The following ITCH variants were observed in gnomAD, a reference collection of about 807,000 sequenced individuals.
ITCH encodes E3 ubiquitin-protein ligase Itchy homolog.
ITCH carries 28 observed loss-of-function variants against 126.8 expected under a neutral mutation model. The observed-to-expected ratio is 0.22, with a 90% CI of 0.16 to 0.30. The LOEUF is 0.30. Among genes scored for constraint, ITCH ranks in the 10% least tolerant of loss-of-function variants. The pLI is 1.00. For missense variants in ITCH, 631 were observed against 1,032.4 expected (o/e 0.61, Z 5.33); for synonymous variants, 342 against 340.0 (o/e 1.01, Z -0.06).
chr20:34,396,367 A>G (rs1377863100), intron 3 of ITCH, among the ~76,000 whole-genome samples: 1 of 152,006 alleles, frequency 6.6e-6, no homozygotes, highest in Non-Finnish European at 1.5e-5. Context: ...ACCGTTTTGC[A>G]TTCCCACTAG....
intron 12 of ITCH, chr20:34,450,962 A>G (rs2146327233): frequency 6.6e-6 from 1 of 152,310 alleles, no homozygotes; most frequent in South Asian, 2.1e-4. Flanking sequence ...TATAACTGTT[A>G]CTGTTATTAG....
intron 17 of ITCH, among the ~76,000 whole-genome samples, chr20:34,479,027 T>C (rs927639535): frequency 3.3e-5 from 5 of 152,206 alleles, no homozygotes; most frequent in African/African-American, 1.2e-4. Context: ...CATAATCTTA[T>C]GTTAATATTG....
intron 10 of ITCH, among the ~76,000 whole-genome samples, chr20:34,443,492 C>T (rs1332919843): frequency 6.7e-6 from 1 of 149,070 alleles, no homozygotes. Context: ...GGCGACAGAT[C>T]AAGACTCCGT....
At chr20:34,497,083 G>A (rs1221215992) in intron 23 of ITCH, among the ~76,000 whole-genome samples, 1 of 151,340 alleles carries the variant, frequency 6.6e-6, no homozygotes, top group East Asian at 2.0e-4. Context: ...CACAACCTCC[G>A]CCTCCCAGGA....
At chr20:34,399,850 G>A (rs1371872530) in intron 3 of ITCH, among the ~76,000 whole-genome samples, 3 of 151,950 alleles carry the variant, frequency 2.0e-5, no homozygotes, top group Admixed American at 2.0e-4. Flanking sequence ...TAACCTCCTG[G>A]GCTGAAGCAA....
chr20:34,499,837 C>A (rs2146548073), intron 23 of ITCH, among the ~76,000 whole-genome samples: 1 of 151,936 alleles, frequency 6.6e-6, no homozygotes, highest in East Asian at 1.9e-4. Context: ...ATAACATTAC[C>A]TTTTAATATT....
chr20:34,466,487 G>A (rs1600412798), intron 14 of ITCH: 2 of 476,298 alleles, frequency 4.2e-6, no homozygotes, highest in East Asian at 5.8e-5. Flanking sequence ...GGAAAATCAG[G>A]CCAATTTGGT....
chr20:34,401,770 A>T, intron 3 of ITCH: 1 of 304,008 alleles, frequency 3.3e-6, no homozygotes, highest in Non-Finnish European at 4.8e-6. Context: ...GGAGGGGGAA[A>T]AAAAACCACT....
At chr20:34,389,512 A>G (rs1187098976) in intron 2 of ITCH, among the ~76,000 whole-genome samples, 1 of 152,142 alleles carries the variant, frequency 6.6e-6, no homozygotes, top group Non-Finnish European at 1.5e-5. Flanking sequence ...TGCAGACTAG[A>G]TGCTACAAAA....
At chr20:34,493,648 TAGGA>T (rs1310493649) in intron 23 of ITCH, among the ~76,000 whole-genome samples, 1 of 152,006 alleles carries the variant, frequency 6.6e-6, no homozygotes, top group Non-Finnish European at 1.5e-5. Flanking sequence ...ATGGAGAAGT[TAGGA>T]AGTATAAAGA....
chr20:34,462,749 C>G (rs1471277958), intron 14 of ITCH, among the ~76,000 whole-genome samples: 1 of 152,232 alleles, frequency 6.6e-6, no homozygotes, highest in African/African-American at 2.4e-5. Context: ...CACTGAAACA[C>G]TGTACCCTTT....
At chr20:34,447,025 C>T (rs967187345) in intron 11 of ITCH, among the ~76,000 whole-genome samples, 2 of 152,182 alleles carry the variant, frequency 1.3e-5, no homozygotes, top group South Asian at 2.1e-4. Flanking sequence ...TCATATTCAC[C>T]TCTGTATATG....
intron 23 of ITCH, among the ~76,000 whole-genome samples, chr20:34,499,272 C>CA (rs1990091471): frequency 4.3e-5 from 1 of 23,010 alleles, no homozygotes; most frequent in South Asian, 2.3e-3. Context: ...CTGTGCCCAG[C>CA]TTTTTTTTTT....
intron 16 of ITCH, among the ~76,000 whole-genome samples, chr20:34,473,200 TTG>T (rs1987812198): frequency 5.9e-5 from 9 of 152,178 alleles, no homozygotes; most frequent in Admixed American, 5.2e-4. Context: ...TTGGATAAAA[TTG>T]CTCTGGGATA....
At chr20:34,493,363 A>T (rs1989649057) in intron 23 of ITCH, among the ~76,000 whole-genome samples, 1 of 152,210 alleles carries the variant, frequency 6.6e-6, no homozygotes, top group Non-Finnish European at 1.5e-5. Flanking sequence ...GAAGCTGTGG[A>T]ACTTTTTGAA....
rs371106923 is a variant in ITCH at position 34,363,853 on chromosome 20, C to T, written c.-99+504C>T. ...TAGAAGGGCCCAGCACAGCGGCTGC[C>T]TCCCCTTCTCTCTCCCACTCGCCTC... On this transcript the variant is annotated intron_variant, in intron 1 of 24. Transcript: ENST00000374864. Among the ~76,000 whole-genome samples, 12 of 152,300 alleles carry T rather than the reference C, an allele frequency of 7.9e-5. No individual in the cohort carries two copies. In the East Asian group the frequency reaches 1.9e-3, roughly 25 times the overall value.
At chr20:34,367,748 C>T (rs1319112264) in intron 1 of ITCH, among the ~76,000 whole-genome samples, 1 of 152,110 alleles carries the variant, frequency 6.6e-6, no homozygotes, top group Non-Finnish European at 1.5e-5. Context: ...AAATAATTTA[C>T]CTGAAACTAG....
chr20:34,445,261 T>TTG, intron 10 of ITCH, 26 bp from the exon 11 acceptor site: 1 of 808,938 alleles, frequency 1.2e-6, no homozygotes. Flanking sequence ...AATTAGCTTG[T>TTG]TTTTTTTTTT....
chr20:34,502,225 G>A (rs1990296121), intron 23 of ITCH, among the ~76,000 whole-genome samples: 1 of 152,102 alleles, frequency 6.6e-6, no homozygotes, highest in South Asian at 2.1e-4. Context: ...CATCTATGTA[G>A]TTAAATATGC....
Sources: gnomAD v4.1 joint callset for allele counts (sites outside exome capture counted in the v4.1 genomes callset) on GRCh38, gnomAD v4.1.1 for gene constraint, MANE v1.5 for transcripts, NCBI Gene and HGNC (gene_info 2026-07-23, HGNC 2026-07-21) for gene names.